The following RTN1 variants were observed in gnomAD, a reference collection of about 807,000 sequenced individuals.
The protein encoded by RTN1 is reticulon-1.
In RTN1, 25 loss-of-function variants were observed where a neutral mutation model predicts 65.5. That is an observed-to-expected ratio of 0.38 (90% CI 0.28 to 0.53). The LOEUF is 0.53. Ranked by LOEUF, RTN1 falls within the 20% of genes least tolerant of loss-of-function variation. RTN1 has a pLI of 0.79. For missense variants in RTN1, 983 were observed against 1,025.4 expected (o/e 0.96, Z 0.57); for synonymous variants, 471 against 447.6 (o/e 1.05, Z -0.66).
intron 2 of RTN1, among the ~76,000 whole-genome samples, chr14:59,728,539 C>T (rs1160290891): frequency 1.3e-5 from 2 of 152,064 alleles, no homozygotes; most frequent in African/African-American, 4.8e-5. Flanking sequence ...GCTTTCCCTC[C>T]CATAGATGAG....
intron 1 of RTN1, among the ~76,000 whole-genome samples, chr14:59,761,036 C>T (rs1885738183): frequency 6.6e-6 from 1 of 152,196 alleles, no homozygotes; most frequent in South Asian, 2.1e-4. Context: ...ATAGCCGCTG[C>T]CCACACTATT....
chr14:59,844,376 G>T (rs1326647584), intron 1 of RTN1, among the ~76,000 whole-genome samples: 2 of 152,134 alleles, frequency 1.3e-5, no homozygotes, highest in African/African-American at 4.8e-5. Context: ...TCACTGTCTC[G>T]AAAGCTTGCT....
At chr14:59,706,570 A>T (rs888311936) in intron 3 of RTN1, among the ~76,000 whole-genome samples, 1 of 150,724 alleles carries the variant, frequency 6.6e-6, no homozygotes, top group Non-Finnish European at 1.5e-5. Flanking sequence ...GTTGCCTAAT[A>T]TTTGATTCCT....
chr14:59,855,024 G>C (rs1328443419), intron 1 of RTN1, among the ~76,000 whole-genome samples: 4 of 152,172 alleles, frequency 2.6e-5, no homozygotes, highest in African/African-American at 9.7e-5. Context: ...ACTAAAAGTA[G>C]TACTATATGG....
chr14:59,749,172 C>CTATCTATATA, intron 1 of RTN1, among the ~76,000 whole-genome samples: 2 of 61,012 alleles, frequency 3.3e-5, no homozygotes, highest in African/African-American at 2.5e-4. Context: ...ATCTATATAT[C>CTATCTATATA]TATCTATATA....
chr14:59,696,429 C>A (rs1325282878), intron 3 of RTN1, among the ~76,000 whole-genome samples: 1 of 151,620 alleles, frequency 6.6e-6, no homozygotes, highest in Non-Finnish European at 1.5e-5. Flanking sequence ...CTTTTATATT[C>A]TCAGGTCTTT....
intron 1 of RTN1, among the ~76,000 whole-genome samples, chr14:59,765,650 T>G (rs1421925827): frequency 6.6e-6 from 1 of 152,222 alleles, no homozygotes; most frequent in African/African-American, 2.4e-5. Flanking sequence ...ATACTGCATT[T>G]CTTTGTTCTG....
chr14:59,741,864 A>C (rs933340793), intron 2 of RTN1, among the ~76,000 whole-genome samples: 1 of 152,130 alleles, frequency 6.6e-6, no homozygotes, highest in African/African-American at 2.4e-5. Flanking sequence ...TTCAGATTTC[A>C]GTTCATGTGT....
intron 3 of RTN1, among the ~76,000 whole-genome samples, chr14:59,678,024 AAAAT>A (rs1566682324): frequency 3.9e-5 from 6 of 152,212 alleles, no homozygotes. Context: ...GCATTTTAGA[AAAAT>A]AAATAGTCAA....
At chr14:59,643,341 T>A (rs1276467896) in intron 3 of RTN1, among the ~76,000 whole-genome samples, 2 of 152,194 alleles carry the variant, frequency 1.3e-5, no homozygotes, top group African/African-American at 4.8e-5. Context: ...TGCCTCAGCC[T>A]CCTGAGTAGC....
chr14:59,658,894 G>C (rs1338265027), intron 3 of RTN1, among the ~76,000 whole-genome samples: 3 of 152,128 alleles, frequency 2.0e-5, no homozygotes, highest in African/African-American at 4.8e-5. Flanking sequence ...TTGACAAATT[G>C]ACAGAAGTAG....
At chr14:59,607,675 A>G (rs1032401290) in intron 3 of RTN1, 183 bp from the exon 4 acceptor site, 3 of 612,658 alleles carry the variant, frequency 4.9e-6, no homozygotes, top group Admixed American at 5.6e-5. Context: ...TTGGTTTGGA[A>G]GAATCTTTTC....
At chr14:59,740,142 TTGGGAGCAAAG>T (rs1163922845) in intron 2 of RTN1, among the ~76,000 whole-genome samples, 1 of 152,034 alleles carries the variant, frequency 6.6e-6, no homozygotes, top group African/African-American at 2.4e-5. Context: ...TGAAAGTGCC[TTGGGAGCAAAG>T]TACAGCCAAG....
chr14:59,760,293 A>C (rs1885723434), intron 1 of RTN1, among the ~76,000 whole-genome samples: 1 of 152,204 alleles, frequency 6.6e-6, no homozygotes, highest in Non-Finnish European at 1.5e-5. Context: ...ACTAACTCTC[A>C]TGTAAGAAAA....
intron 1 of RTN1, among the ~76,000 whole-genome samples, chr14:59,759,125 G>T (rs1409413332): frequency 6.6e-6 from 1 of 152,102 alleles, no homozygotes; most frequent in East Asian, 1.9e-4. Context: ...GCATGGCATT[G>T]TCAGAAAAAA....
intron 1 of RTN1, among the ~76,000 whole-genome samples, chr14:59,769,119 T>C (rs779128355): frequency 6.6e-6 from 1 of 152,202 alleles, no homozygotes; most frequent in Non-Finnish European, 1.5e-5. Context: ...TTAATCATTA[T>C]GTTATACTGC....
chr14:59,870,713 C>G lies in RTN1; in HGVS notation c.-83G>C. The G allele has an allele frequency of 1.6e-6, 2 of 1,264,932 alleles. No individual in the cohort carries two copies. The highest frequency in any genetic ancestry group is 3.3e-5 in the East Asian group (1 of 30,308). 78.4% of individuals were successfully genotyped at this position (1,264,932 alleles called of 1,614,324 possible). On this transcript the variant is annotated 5_prime_UTR_variant, in exon 1 of 9. Coordinates refer to ENST00000267484, the MANE Select transcript of RTN1 (RefSeq NM_021136.3). The surrounding 1 kb of genome is among the most constrained non-coding windows in gnomAD (Gnocchi z 5.1). ...GCGCGGGCGCTCCCTGCTGCTGTCC[C>G]CGGAGGGACTCGGCGCTCAGGGAAG...
intron 3 of RTN1, among the ~76,000 whole-genome samples, chr14:59,609,328 CTT>C (rs747783278): frequency 2.1e-4 from 30 of 141,498 alleles, no homozygotes; most frequent in Non-Finnish European, 2.5e-4. Flanking sequence ...TAATCCTTTT[CTT>C]TTTTTTTTTT....
rs1043668033 is a variant in RTN1 at position 59,673,857 on chromosome 14, G to A, written c.1765+53062C>T. On this transcript the variant is annotated intron_variant, in intron 3 of 8. Coordinates refer to ENST00000267484, the MANE Select transcript of RTN1 (RefSeq NM_021136.3). Reference sequence around the variant, plus strand: ...TCTGTCTATCTGACAGAATTTGTCTGTCTCCTGTTGCTATCAGTAACATTT... The same window carrying A: ...TCTGTCTATCTGACAGAATTTGTCTATCTCCTGTTGCTATCAGTAACATTT... 2.0e-5 allele frequency among the ~76,000 whole-genome samples: 3 copies of A among 152,086 alleles called. No homozygotes were observed. The South Asian group carries it at 6.2e-4, about 32-fold the overall frequency.
Sources: gnomAD v4.1 joint callset for allele counts (sites outside exome capture counted in the v4.1 genomes callset) on GRCh38, gnomAD v4.1.1 for gene constraint, Gnocchi (gnomAD v3.1) non-coding constraint, MANE v1.5 for transcripts, NCBI Gene and HGNC (gene_info 2026-07-23, HGNC 2026-07-21) for gene names.